TMEM232: variants seen among roughly 807,000 people sequenced by gnomAD.
The protein encoded by TMEM232 is transmembrane protein 232.
TMEM232 carries 80 observed loss-of-function variants against 78.8 expected under a neutral mutation model. The ratio of observed to expected loss-of-function variants is 1.01; its 90% CI spans 0.85 to 1.22. TMEM232 has a LOEUF of 1.22. Among genes scored for constraint, TMEM232 ranks in the 50% most tolerant of loss-of-function variants. TMEM232 has a pLI of 0.00. For synonymous variants in TMEM232, 297 were observed against 254.3 expected (o/e 1.17, Z -1.60); for missense variants, 881 against 742.2 (o/e 1.19, Z -2.17).
chr5:110,574,456 CCTGA>C (rs1274502039), intron 10 of TMEM232, among the ~76,000 whole-genome samples: 1 of 151,954 alleles, frequency 6.6e-6, no homozygotes, highest in African/African-American at 2.4e-5. Context: ...CTTGGAATGT[CCTGA>C]CTAATAAAAA....
chr5:110,497,705 T>C (rs1378892341), intron 12 of TMEM232, among the ~76,000 whole-genome samples: 3 of 152,160 alleles, frequency 2.0e-5, no homozygotes, highest in South Asian at 2.1e-4. Context: ...TAGAACTTTC[T>C]GATGTTTCCC....
intron 2 of TMEM232, among the ~76,000 whole-genome samples, chr5:110,649,607 AATG>A (rs1451354719): frequency 1.3e-5 from 2 of 152,114 alleles, no homozygotes; most frequent in Admixed American, 6.6e-5. Context: ...TCCTCACCAG[AATG>A]ATATCAGTTG....
intron 5 of TMEM232, among the ~76,000 whole-genome samples, chr5:110,637,780 T>C (rs1477037531): frequency 6.6e-6 from 1 of 152,076 alleles, no homozygotes; most frequent in East Asian, 1.9e-4. Flanking sequence ...TTCATTTTTA[T>C]AGATCTAAAG....
At chr5:110,713,933 C>A (rs1796757482) in intron 1 of TMEM232, among the ~76,000 whole-genome samples, 1 of 152,152 alleles carries the variant, frequency 6.6e-6, no homozygotes, top group African/African-American at 2.4e-5. Context: ...TTGGCTGGTT[C>A]CAGGTGGTTG....
At chr5:110,570,753 C>G in intron 10 of TMEM232, among the ~76,000 whole-genome samples, 1 of 151,940 alleles carries the variant, frequency 6.6e-6, no homozygotes, top group East Asian at 1.9e-4. Flanking sequence ...GTTGTGGAAA[C>G]TGACCTTTCT....
At chr5:110,694,506 A>T (rs930330880) in intron 1 of TMEM232, among the ~76,000 whole-genome samples, 5 of 152,148 alleles carry the variant, frequency 3.3e-5, no homozygotes, top group African/African-American at 9.7e-5. Context: ...AGACACAGAC[A>T]GGCAAACTGG....
chr5:110,604,349 G>A (rs1046141790), intron 10 of TMEM232, among the ~76,000 whole-genome samples: 5 of 151,984 alleles, frequency 3.3e-5, no homozygotes, highest in African/African-American at 1.2e-4. Flanking sequence ...ATGACCTTTA[G>A]TCCTGAGACA....
intron 12 of TMEM232, among the ~76,000 whole-genome samples, chr5:110,469,919 TG>T: frequency 6.6e-6 from 1 of 152,102 alleles, no homozygotes; most frequent in Non-Finnish European, 1.5e-5. Flanking sequence ...CCCTAAAATT[TG>T]AGCTGCTGGA....
chr5:110,587,666 T>C (rs558768884), intron 10 of TMEM232, among the ~76,000 whole-genome samples: 1 of 77,646 alleles, frequency 1.3e-5, no homozygotes, highest in South Asian at 5.5e-4. Context: ...CATGTATGTA[T>C]ATATATATAT....
intron 7 of TMEM232, among the ~76,000 whole-genome samples, chr5:110,621,158 C>A (rs1329281044): frequency 6.6e-6 from 1 of 151,586 alleles, no homozygotes; most frequent in African/African-American, 2.4e-5. Flanking sequence ...CCACCATGCC[C>A]GGCCCATCAA....
intron 11 of TMEM232, among the ~76,000 whole-genome samples, chr5:110,548,262 A>G (rs971975266): frequency 2.0e-5 from 3 of 150,842 alleles, no homozygotes; most frequent in African/African-American, 7.3e-5. Context: ...ACATACACGA[A>G]CACATCCAGA....
chr5:110,550,811 G>A (rs1774360495), intron 11 of TMEM232, among the ~76,000 whole-genome samples: 1 of 150,938 alleles, frequency 6.6e-6, no homozygotes, highest in African/African-American at 2.4e-5. Flanking sequence ...AATCCAAGTG[G>A]ACTTGCTTTT....
At chr5:110,606,589 G>C (rs1781568756) in intron 8 of TMEM232, among the ~76,000 whole-genome samples, 1 of 151,866 alleles carries the variant, frequency 6.6e-6, no homozygotes, top group Non-Finnish European at 1.5e-5. Flanking sequence ...TCTGGTTCTA[G>C]AGTACCCCCA....
At chr5:110,449,840 G>A (rs181711992) in intron 12 of TMEM232, among the ~76,000 whole-genome samples, 2 of 151,970 alleles carry the variant, frequency 1.3e-5, no homozygotes, top group East Asian at 3.9e-4. Flanking sequence ...CTCTATTTTG[G>A]TAAAAGCACT....
rs1770974156 is a variant in TMEM232, at chr5:110,528,709, A to G, written c.1582T>C (p.Phe528Leu). ...RIANTLSKLFFPPIEAHFLPL... is the reference protein window; with the variant it reads ...RIANTLSKLFLPPIEAHFLPL... ...AGAAAATGGGCCTCAATGGGGGGAA[A>G]GAATAGTTTGGAAAGAGTGTTGGCA... is the stretch of plus-strand genomic sequence containing the variant. The change falls in exon 12 of 14, where the codon TTT (phenylalanine) becomes CTT (leucine). Residue 528 changes from phenylalanine (F) to leucine (L), a missense_variant. Phe to Leu is a conservative substitution (Grantham distance 22). Coordinates refer to ENST00000455884, the MANE Select transcript of TMEM232 (RefSeq NM_001039763.4). 4 of 1,535,048 alleles carry G rather than the reference A, an allele frequency of 2.6e-6. No individual in the cohort carries two copies. The African/African-American group carries it at 4.1e-5, about 16-fold the overall frequency.
At chr5:110,617,518 T>C (rs935020085) in intron 8 of TMEM232, among the ~76,000 whole-genome samples, 4 of 152,116 alleles carry the variant, frequency 2.6e-5, no homozygotes, top group Admixed American at 2.6e-4. Flanking sequence ...TCCTAACATA[T>C]CATTATACCC....
intron 2 of TMEM232, among the ~76,000 whole-genome samples, chr5:110,662,756 G>A (rs148676304): frequency 8.5e-5 from 13 of 152,078 alleles, no homozygotes; most frequent in Admixed American, 2.0e-4. Context: ...TCCATATGTC[G>A]TATTGATGAA....
intron 1 of TMEM232, among the ~76,000 whole-genome samples, chr5:110,684,609 C>T (rs963558233): frequency 6.6e-6 from 1 of 152,018 alleles, no homozygotes; most frequent in Non-Finnish European, 1.5e-5. Context: ...AACAGGAGTT[C>T]GAGTTATTCT....
At chr5:110,491,455 T>G (rs958211210) in intron 12 of TMEM232, among the ~76,000 whole-genome samples, 3 of 151,914 alleles carry the variant, frequency 2.0e-5, no homozygotes, top group African/African-American at 7.2e-5. Context: ...AATAGGCAAA[T>G]CCACAGAAAA....
Sources: allele counts gnomAD v4.1 joint callset (sites outside exome capture counted in the v4.1 genomes callset), GRCh38; gene constraint gnomAD v4.1.1; transcripts MANE v1.5; gene names NCBI Gene and HGNC (gene_info 2026-07-23, HGNC 2026-07-21).